UBE2D2: variants seen among roughly 807,000 people sequenced by gnomAD.
UBE2D2 encodes ubiquitin-conjugating enzyme E2 D2.
A neutral mutation model predicts 24.2 loss-of-function variants in UBE2D2; 2 were observed. That is an observed-to-expected ratio of 0.08 (90% CI 0.03 to 0.26). UBE2D2 has a LOEUF of 0.26. Among genes scored for constraint, UBE2D2 ranks in the 10% least tolerant of loss-of-function variants. The pLI, the probability that UBE2D2 is intolerant of heterozygous loss-of-function variation, is 1.00. For synonymous variants in UBE2D2, 58 were observed against 56.5 expected (o/e 1.03, Z -0.12); for missense variants, 44 against 177.6 (o/e 0.25, Z 4.28).
chr5:139,562,318 T>C, intron 1 of UBE2D2: 1 of 1,348,856 alleles, frequency 7.4e-7, no homozygotes, highest in Non-Finnish European at 9.8e-7. Flanking sequence ...ATATCCTGAG[T>C]TCACTTACCT....
chr5:139,573,896 G>A (rs934180144), intron 1 of UBE2D2, among the ~76,000 whole-genome samples: 9 of 151,984 alleles, frequency 5.9e-5, no homozygotes, highest in African/African-American at 1.4e-4. Flanking sequence ...GCTTGAACTC[G>A]GGAAGCGGAG....
chr5:139,620,425 C>T (rs1754494259), intron 5 of UBE2D2, among the ~76,000 whole-genome samples: 1 of 152,168 alleles, frequency 6.6e-6, no homozygotes, highest in African/African-American at 2.4e-5. Flanking sequence ...TTTCTAACTT[C>T]CCTGTTGTCA....
At chr5:139,563,726 A>G (rs1753158681) in intron 1 of UBE2D2, among the ~76,000 whole-genome samples, 1 of 152,064 alleles carries the variant, frequency 6.6e-6, no homozygotes, top group South Asian at 2.1e-4. Context: ...AGATCAGGAG[A>G]TCGAGGCCAT....
intron 2 of UBE2D2, among the ~76,000 whole-genome samples, chr5:139,609,186 G>T (rs1337162856): frequency 6.6e-6 from 1 of 152,156 alleles, no homozygotes; most frequent in Non-Finnish European, 1.5e-5. Context: ...AAAGACTAGT[G>T]AAGATCTTGA....
Position 139,626,945 on chromosome 5 carries a change from G to A in UBE2D2, c.*144G>A. On this transcript the variant is annotated 3_prime_UTR_variant, in exon 7 of 7. Coordinates refer to ENST00000398733, the MANE Select transcript of UBE2D2 (RefSeq NM_003339.3). The stretch of plus-strand genomic sequence containing the variant: ...CATGTTTACCTGATACAGCAGTGCT[G>A]CGTGTTGTACATACTTGGAACAACA... The A allele has an allele frequency of 1.5e-6, 1 of 647,468 alleles. No homozygotes were observed. The highest frequency in any genetic ancestry group is 2.7e-6 in the Non-Finnish European group (1 of 373,492). The allele number at this position is 647,468 out of a possible 1,614,324, so 40.1% of individuals were successfully genotyped here.
chr5:139,601,909 CAAAAAAAAA>C (rs887066675), intron 2 of UBE2D2, among the ~76,000 whole-genome samples: 1 of 75,632 alleles, frequency 1.3e-5, no homozygotes, highest in Non-Finnish European at 2.7e-5. Context: ...GACTTACTCT[CAAAAAAAAA>C]AAAAAGAAAA....
intron 1 of UBE2D2, among the ~76,000 whole-genome samples, chr5:139,550,577 A>C (rs989872428): frequency 6.6e-6 from 1 of 151,706 alleles, no homozygotes; most frequent in Non-Finnish European, 1.5e-5. Flanking sequence ...ACGCTATGGG[A>C]GTTTTGTTTT....
chr5:139,593,468 A>G (rs1753889098), intron 1 of UBE2D2, among the ~76,000 whole-genome samples: 1 of 152,126 alleles, frequency 6.6e-6, no homozygotes, highest in Non-Finnish European at 1.5e-5. Flanking sequence ...AATTTTATAT[A>G]TACATACATA....
chr5:139,600,113 A>G (rs1437938697), intron 1 of UBE2D2: 1 of 500,838 alleles, frequency 2.0e-6, no homozygotes, highest in Non-Finnish European at 3.7e-6. Flanking sequence ...TACATGACAC[A>G]TGTTTTACCT....
chr5:139,596,826 C>T (rs1753971323), intron 1 of UBE2D2, among the ~76,000 whole-genome samples: 1 of 151,892 alleles, frequency 6.6e-6, no homozygotes, highest in African/African-American at 2.4e-5. Context: ...GTGGGCAGAT[C>T]ACGAGGTCAG....
intron 1 of UBE2D2, among the ~76,000 whole-genome samples, chr5:139,567,479 A>T (rs1456087728): frequency 2.7e-5 from 4 of 150,110 alleles, no homozygotes; most frequent in Admixed American, 2.0e-4. Context: ...TTGGCCTCCC[A>T]GAGTGCTGGG....
At chr5:139,580,902 G>T (rs1246425968) in intron 1 of UBE2D2, among the ~76,000 whole-genome samples, 1 of 152,204 alleles carries the variant, frequency 6.6e-6, no homozygotes, top group African/African-American at 2.4e-5. Flanking sequence ...GAGCGACAGA[G>T]TGAGACTCTG....
intron 1 of UBE2D2, among the ~76,000 whole-genome samples, chr5:139,553,110 C>T (rs1176927645): frequency 6.6e-6 from 1 of 152,196 alleles, no homozygotes; most frequent in Non-Finnish European, 1.5e-5. Flanking sequence ...TAAGCCACCG[C>T]TCCTGGCCTC....
intron 2 of UBE2D2, among the ~76,000 whole-genome samples, chr5:139,606,077 T>A (rs1754193879): frequency 6.6e-6 from 1 of 152,098 alleles, no homozygotes; most frequent in African/African-American, 2.4e-5. Context: ...AATGTGACTC[T>A]CTTGAGATCT....
At chr5:139,568,894 C>T (rs150088341) in intron 1 of UBE2D2, among the ~76,000 whole-genome samples, 6 of 151,964 alleles carry the variant, frequency 3.9e-5, no homozygotes, top group Non-Finnish European at 8.8e-5. Flanking sequence ...TGCTTGAACC[C>T]GGGAGGTGGA....
At position 139,627,355 on chromosome 5, in the gene UBE2D2, A is replaced by G. The variant is rs1422270731; in HGVS notation, c.*554A>G. ...TTTTAAGGTCTAAGTTTAACTGGTC[A>G]ACATTTAAATGGATTGGAGCTATTA... On this transcript the variant is annotated 3_prime_UTR_variant, in exon 7 of 7. Transcript: ENST00000398733. 1 of 153,176 alleles carries G rather than the reference A, an allele frequency of 6.5e-6. No homozygotes were observed. Among genetic ancestry groups the G allele is most frequent in the African/African-American group, 2.4e-5 (1 of 41,466 alleles). 9.5% of individuals were successfully genotyped at this position (153,176 alleles called of 1,614,324 possible).
intron 2 of UBE2D2, among the ~76,000 whole-genome samples, chr5:139,604,492 C>T (rs1754154516): frequency 6.6e-6 from 1 of 152,096 alleles, no homozygotes; most frequent in Non-Finnish European, 1.5e-5. Context: ...AAAAAATAGT[C>T]AAAGGATCCG....
intron 1 of UBE2D2, among the ~76,000 whole-genome samples, chr5:139,579,917 C>A (rs550892863): frequency 2.0e-5 from 3 of 151,844 alleles, no homozygotes; most frequent in Non-Finnish European, 4.4e-5. Flanking sequence ...CATGGTGGCA[C>A]GCGCCTGTAA....
intron 1 of UBE2D2, among the ~76,000 whole-genome samples, chr5:139,586,924 C>G (rs1482434892): frequency 6.6e-6 from 1 of 151,958 alleles, no homozygotes; most frequent in East Asian, 1.9e-4. Flanking sequence ...ATAAAAAAAT[C>G]TTTTTAGAGA....
Sources: gnomAD v4.1 joint callset for allele counts (sites outside exome capture counted in the v4.1 genomes callset) on GRCh38, gnomAD v4.1.1 for gene constraint, MANE v1.5 for transcripts, NCBI Gene and HGNC (gene_info 2026-07-23, HGNC 2026-07-21) for gene names.